The following NUBPL variants were observed in gnomAD, a reference collection of about 807,000 sequenced individuals.
NUBPL encodes NUBP iron-sulfur cluster assembly factor, mitochondrial.
In NUBPL, 31 loss-of-function variants were observed where a neutral mutation model predicts 45.7. The ratio of observed to expected loss-of-function variants is 0.68; its 90% CI spans 0.51 to 0.92. The LOEUF is 0.92. Among genes scored for constraint, NUBPL ranks in the 40% least tolerant of loss-of-function variants. The probability of loss-of-function intolerance (pLI) is 0.00; values close to 1 mark genes in which losing one functional copy is unlikely to be tolerated. For synonymous variants in NUBPL, 144 were observed against 140.9 expected (o/e 1.02, Z -0.15); for missense variants, 401 against 398.7 (o/e 1.01, Z -0.05).
intron 6 of NUBPL, among the ~76,000 whole-genome samples, chr14:31,771,659 A>G (rs2039011895): frequency 6.6e-6 from 1 of 152,142 alleles, no homozygotes; most frequent in Non-Finnish European, 1.5e-5. Flanking sequence ...AATCCTCAGT[A>G]TTTTTGTCTG....
Position 31,735,625 on chromosome 14 carries a change from G to A in NUBPL, c.514-52155G>A, listed in dbSNP as rs551362253. ...TCCCAGCACTTTGGGAGGCTGAGGC[G>A]GGCGAATCACAAGGCCAGGAGTTCG... On this transcript the variant is annotated intron_variant, in intron 6 of 10. Coordinates refer to ENST00000281081, the MANE Select transcript of NUBPL (RefSeq NM_025152.3). Among the ~76,000 whole-genome samples, 37 of 151,910 alleles carry A rather than the reference G, an allele frequency of 2.4e-4. No homozygotes were observed. The East Asian group carries it at 6.8e-3, about 28-fold the overall frequency.
intron 4 of NUBPL, among the ~76,000 whole-genome samples, chr14:31,616,185 G>T (rs920835284): frequency 6.6e-6 from 1 of 151,820 alleles, no homozygotes; most frequent in Admixed American, 6.6e-5. Flanking sequence ...CTGCATATTA[G>T]CCCTTTGTCA....
At chr14:31,742,230 T>A (rs2038299693) in intron 6 of NUBPL, among the ~76,000 whole-genome samples, 1 of 132,192 alleles carries the variant, frequency 7.6e-6, no homozygotes, top group African/African-American at 3.0e-5. Context: ...CAATTTTAAC[T>A]ATTGTGTACA....
At chr14:31,840,046 G>A (rs977779510) in intron 8 of NUBPL, among the ~76,000 whole-genome samples, 1 of 152,104 alleles carries the variant, frequency 6.6e-6, no homozygotes, top group Non-Finnish European at 1.5e-5. Context: ...TAGTATGGAG[G>A]TTCCTTAAAA....
intron 6 of NUBPL, among the ~76,000 whole-genome samples, chr14:31,781,455 C>T (rs2039189610): frequency 1.3e-5 from 2 of 152,172 alleles, no homozygotes; most frequent in Admixed American, 1.3e-4. Flanking sequence ...TTTTCTAGAC[C>T]TTCAAGATAA....
chr14:31,645,785 C>A (rs1010056644), intron 4 of NUBPL, among the ~76,000 whole-genome samples: 13 of 134,788 alleles, frequency 9.6e-5, no homozygotes, highest in Non-Finnish European at 2.1e-4. Flanking sequence ...CCCCCCCCCC[C>A]ACATTTTGAC....
intron 2 of NUBPL, among the ~76,000 whole-genome samples, chr14:31,562,440 A>G (rs976717249): frequency 2.0e-5 from 3 of 152,200 alleles, no homozygotes; most frequent in African/African-American, 7.2e-5. Context: ...AAAAGTGGTC[A>G]GATTGTACAG....
At chr14:31,810,812 G>C (rs527357119) in intron 7 of NUBPL, among the ~76,000 whole-genome samples, 13 of 152,304 alleles carry the variant, frequency 8.5e-5, no homozygotes, top group African/African-American at 3.1e-4. Context: ...AGGCAGGCCT[G>C]TTGGTGACAA....
intron 6 of NUBPL, among the ~76,000 whole-genome samples, chr14:31,764,955 A>G (rs984677985): frequency 6.6e-6 from 1 of 152,150 alleles, no homozygotes; most frequent in Non-Finnish European, 1.5e-5. Context: ...TCATACATGT[A>G]TTCCTTAATC....
chr14:31,698,508 C>T (rs1324970092), intron 6 of NUBPL, among the ~76,000 whole-genome samples: 1 of 152,110 alleles, frequency 6.6e-6, no homozygotes, highest in Non-Finnish European at 1.5e-5. Context: ...CTTCCCAAAG[C>T]ATAACTCTCA....
At chr14:31,774,405 T>C (rs928818268) in intron 6 of NUBPL, among the ~76,000 whole-genome samples, 6 of 152,328 alleles carry the variant, frequency 3.9e-5, no homozygotes, top group African/African-American at 1.4e-4. Context: ...CATACATTCA[T>C]TGGACCCTTT....
intron 8 of NUBPL, among the ~76,000 whole-genome samples, chr14:31,834,178 C>T (rs1468943993): frequency 9.3e-6 from 1 of 107,012 alleles, no homozygotes; most frequent in Non-Finnish European, 1.8e-5. Flanking sequence ...TGGCCTGGAA[C>T]TTTTTTTTTT....
rs113301471 is a variant in NUBPL, at chr14:31,834,464, C to T, written c.693+7750C>T. ...AAAGTGCTGGGATTACAGGCGTGAG[C>T]CACTGCGCCTGGCCGGTCTGGAACT... On this transcript the variant is annotated intron_variant, in intron 8 of 10. Coordinates refer to ENST00000281081, the MANE Select transcript of NUBPL (RefSeq NM_025152.3). Among the ~76,000 whole-genome samples, 1,148 of 152,244 alleles carry T rather than the reference C, an allele frequency of 7.5e-3. 5 individuals are homozygous for T. Among genetic ancestry groups the T allele is most frequent in the Middle Eastern group, 0.024 (7 of 294 alleles).
Position 31,787,845 on chromosome 14 carries a change from A to G in NUBPL, c.579A>G (p.Leu193=), listed in dbSNP as rs552722349. ...DMPPGTGDVQ[L]SVSQNIPITG... is the part of the protein sequence containing the mutation. ...CACCAGGAACTGGAGATGTGCAGTTATCAGTCTCACAGAATATTCCTATAA... is the reference window on the plus strand; with the variant it reads ...CACCAGGAACTGGAGATGTGCAGTTGTCAGTCTCACAGAATATTCCTATAA... The change falls in exon 7 of 11, where the codon TTA becomes TTG. Residue 193 remains leucine, a synonymous_variant. Transcript: ENST00000281081. 29 of 1,612,350 alleles carry G rather than the reference A, an allele frequency of 1.8e-5. No individual in the cohort carries two copies. The highest frequency in any genetic ancestry group is 3.3e-5 in the Admixed American group (2 of 60,014).
chr14:31,620,725 C>T (rs900943629), intron 4 of NUBPL, among the ~76,000 whole-genome samples: 12 of 152,208 alleles, frequency 7.9e-5, no homozygotes, highest in African/African-American at 2.9e-4. Context: ...TTGGCCCCTA[C>T]TGGGAGGTGT....
intron 6 of NUBPL, among the ~76,000 whole-genome samples, chr14:31,761,431 T>G (rs1268224143): frequency 6.6e-6 from 1 of 152,166 alleles, no homozygotes; most frequent in African/African-American, 2.4e-5. Flanking sequence ...TCAAGCAGCA[T>G]CAATACAGAA....
chr14:31,765,112 A>C (rs2038887284), intron 6 of NUBPL, among the ~76,000 whole-genome samples: 2 of 152,224 alleles, frequency 1.3e-5, no homozygotes, highest in Admixed American at 1.3e-4. Flanking sequence ...ATAGGTCACT[A>C]AAATGTAGGA....
chr14:31,711,880 G>T (rs1417807295), intron 6 of NUBPL, among the ~76,000 whole-genome samples: 1 of 151,986 alleles, frequency 6.6e-6, no homozygotes, highest in East Asian at 1.9e-4. Flanking sequence ...CACATCCGGA[G>T]TTGTTTGTTC....
At chr14:31,777,765 A>G (rs2039122552) in intron 6 of NUBPL, among the ~76,000 whole-genome samples, 1 of 152,178 alleles carries the variant, frequency 6.6e-6, no homozygotes, top group African/African-American at 2.4e-5. Flanking sequence ...GGTAGTATTT[A>G]CCCAGATACA....
Sources: allele counts gnomAD v4.1 joint callset (sites outside exome capture counted in the v4.1 genomes callset), GRCh38; gene constraint gnomAD v4.1.1; transcripts MANE v1.5; gene names NCBI Gene and HGNC (gene_info 2026-07-23, HGNC 2026-07-21).